RETREG3: variants seen among roughly 807,000 people sequenced by gnomAD.
RETREG3 encodes reticulophagy regulator family member 3.
In RETREG3, 23 loss-of-function variants were observed where a neutral mutation model predicts 50.2. The ratio of observed to expected loss-of-function variants is 0.46; its 90% CI spans 0.33 to 0.65. The LOEUF is 0.65. RETREG3 is among the 30% of genes least tolerant of loss of function. The pLI is 0.02. For synonymous variants in RETREG3, 240 were observed against 234.4 expected, an observed-to-expected ratio of 1.02 and a Z score of -0.22; for missense variants, 546 against 598.0, an observed-to-expected ratio of 0.91 and a Z score of 0.91.
At chr17:42,593,647 C>CAA (rs10537185) in intron 1 of RETREG3, among the ~76,000 whole-genome samples, 155 of 85,498 alleles carry the variant, frequency 1.8e-3, no homozygotes, top group African/African-American at 4.2e-3. Flanking sequence ...GACTCCGTCT[C>CAA]AAAAAAAAAA....
intron 2 of RETREG3, 53 bp downstream of exon 2, chr17:42,592,003 T>C: frequency 6.8e-7 from 1 of 1,467,176 alleles, no homozygotes; most frequent in Non-Finnish European, 9.5e-7. Flanking sequence ...AAGGTACAAA[T>C]TATAGGAAAG....
In RETREG3 at chr17:42,585,118, C is replaced by T. The variant is rs777184113; in HGVS notation, c.727+7G>A. On this transcript the variant is annotated splice_region_variant and intron_variant, in intron 6 of 8. Transcript: ENST00000309428. The stretch of plus-strand genomic sequence containing the variant: ...GTAAGTGGAAAGAATGACACCATGA[C>T]ACTTACATTGTCTCTCTCTCTGCTT... 1 of 1,612,448 alleles carries T rather than the reference C, an allele frequency of 6.2e-7. No homozygotes were observed. Among genetic ancestry groups the T allele is most frequent in the Non-Finnish European group, 8.5e-7 (1 of 1,179,922 alleles).
chr17:42,605,951 AT>A (rs2093167108), intron 1 of RETREG3, among the ~76,000 whole-genome samples: 1 of 145,432 alleles, frequency 6.9e-6, no homozygotes, highest in Non-Finnish European at 1.5e-5. Context: ...AGATCACGCC[AT>A]TGCACCCCAG....
intron 6 of RETREG3, among the ~76,000 whole-genome samples, chr17:42,584,575 C>A (rs1427096091): frequency 1.3e-5 from 2 of 152,044 alleles, no homozygotes; most frequent in Non-Finnish European, 2.9e-5. Context: ...TTTGGAACGC[C>A]AAGGCAGGAG....
chr17:42,608,459 A>G (rs1207385439), intron 1 of RETREG3, among the ~76,000 whole-genome samples: 1 of 152,234 alleles, frequency 6.6e-6, no homozygotes, highest in Admixed American at 6.5e-5. Flanking sequence ...GGGAGGAGTT[A>G]CAATCACAGG....
intron 1 of RETREG3, among the ~76,000 whole-genome samples, chr17:42,602,236 G>A (rs981686023): frequency 1.6e-4 from 24 of 151,706 alleles, no homozygotes; most frequent in Non-Finnish European, 2.9e-4. Flanking sequence ...AGAACTGCTT[G>A]AATCTGGGAG....
chr17:42,590,628 C>T (rs1356265802), intron 2 of RETREG3, among the ~76,000 whole-genome samples: 12 of 151,836 alleles, frequency 7.9e-5, no homozygotes, highest in Non-Finnish European at 1.6e-4. Context: ...GCCATGATTG[C>T]GCCACTGCAC....
intron 1 of RETREG3, among the ~76,000 whole-genome samples, chr17:42,594,447 G>C (rs530392153): frequency 6.6e-6 from 1 of 152,002 alleles, no homozygotes; most frequent in Non-Finnish European, 1.5e-5. Context: ...CCAGCTACTC[G>C]GGAGGGTGAG....
At chr17:42,607,595 G>C (rs764064005) in intron 1 of RETREG3, among the ~76,000 whole-genome samples, 2 of 149,134 alleles carry the variant, frequency 1.3e-5, no homozygotes, top group Admixed American at 6.7e-5. Context: ...ACCTGACCTC[G>C]GGAGTTCGAG....
chr17:42,605,268 T>G (rs1481411782), intron 1 of RETREG3: 1 of 152,070 alleles, frequency 6.6e-6, no homozygotes, highest in Non-Finnish European at 1.5e-5. Flanking sequence ...ATGGGTTTTT[T>G]TTTGTACTCC....
intron 1 of RETREG3, among the ~76,000 whole-genome samples, chr17:42,597,975 AGTTT>A (rs1484698541): frequency 7.4e-6 from 1 of 135,228 alleles, no homozygotes; most frequent in Non-Finnish European, 1.6e-5. Context: ...CTTCCTCTGA[AGTTT>A]TTTTTTTTTT....
chr17:42,596,292 G>A (rs2093144292), intron 1 of RETREG3, among the ~76,000 whole-genome samples: 1 of 133,218 alleles, frequency 7.5e-6, no homozygotes, highest in Admixed American at 8.8e-5. Flanking sequence ...CTGAAAGGTT[G>A]AGGCCCCAGT....
intron 1 of RETREG3, among the ~76,000 whole-genome samples, chr17:42,606,814 TG>T (rs2093168576): frequency 6.6e-6 from 1 of 151,314 alleles, no homozygotes; most frequent in Non-Finnish European, 1.5e-5. Flanking sequence ...CTGGGCAACC[TG>T]GCAAAACTGT....
At chr17:42,582,557 G>A (rs902604830) in intron 8 of RETREG3, 117 bp downstream of exon 8, 90 of 1,474,968 alleles carry the variant, frequency 6.1e-5, no homozygotes, top group Middle Eastern at 2.5e-4. Context: ...CTGCTCTGCC[G>A]CCTGATCCAT....
At chr17:42,597,611 ATATATATAT>A (rs2093149476) in intron 1 of RETREG3, among the ~76,000 whole-genome samples, 1 of 34,474 alleles carries the variant, frequency 2.9e-5, no homozygotes, top group African/African-American at 1.6e-4. Flanking sequence ...ATATATATAT[ATATATATAT>A]TTTTTTTTTT....
chr17:42,597,936 C>A (rs910989757), intron 1 of RETREG3, among the ~76,000 whole-genome samples: 1 of 144,264 alleles, frequency 6.9e-6, no homozygotes, highest in Non-Finnish European at 1.5e-5. Context: ...GGCCAAGAAA[C>A]GTTATTTTAT....
rs1433861571 is a variant in RETREG3 at position 42,606,619 on chromosome 17, A to T, written c.239+2467T>A. Among the ~76,000 whole-genome samples the T allele has an allele frequency of 1.1e-4, 16 of 144,850 alleles. No homozygotes were observed. In the South Asian group the frequency reaches 1.1e-3, roughly 10 times the overall value. On this transcript the variant is annotated intron_variant, in intron 1 of 8. Transcript: ENST00000309428. ...CCATCTCAAAAAACAAAAATTAATTAAAAAAAAAAGGTCCCCTCCTCAAAA... is the reference window on the plus strand; with the variant it reads ...CCATCTCAAAAAACAAAAATTAATTTAAAAAAAAAGGTCCCCTCCTCAAAA...
chr17:42,599,591 T>C (rs763936780), intron 1 of RETREG3, among the ~76,000 whole-genome samples: 9 of 150,558 alleles, frequency 6.0e-5, no homozygotes, highest in Non-Finnish European at 8.9e-5. Flanking sequence ...GAGGCAGAGG[T>C]TGCAGTGAGC....
intron 1 of RETREG3, among the ~76,000 whole-genome samples, chr17:42,600,043 GGTTT>G (rs1479876828): frequency 1.3e-5 from 2 of 151,416 alleles, no homozygotes; most frequent in African/African-American, 4.9e-5. Flanking sequence ...CTAACAAATT[GGTTT>G]GTGGGGAAAA....
Sources: gnomAD v4.1 joint callset for allele counts (sites outside exome capture counted in the v4.1 genomes callset) on GRCh38, gnomAD v4.1.1 for gene constraint, MANE v1.5 for transcripts, NCBI Gene and HGNC (gene_info 2026-07-23, HGNC 2026-07-21) for gene names.